The following ZNF565 variants were observed in gnomAD, a reference collection of about 807,000 sequenced individuals.
ZNF565 encodes zinc finger protein 565.
A neutral mutation model predicts 39.4 loss-of-function variants in ZNF565; 27 were observed. The observed-to-expected ratio is 0.69, with a 90% CI of 0.51 to 0.95. The LOEUF (loss-of-function observed/expected upper bound fraction) is 0.95, where lower values mean the gene tolerates loss of function less well. ZNF565 is among the 40% of genes least tolerant of loss of function. ZNF565 has a pLI of 0.00. For synonymous variants in ZNF565, 185 were observed against 216.6 expected (o/e 0.85, Z 1.28); for missense variants, 524 against 621.1 (o/e 0.84, Z 1.66).
intron 1 of ZNF565, among the ~76,000 whole-genome samples, chr19:36,242,003 AAGC>A (rs1328466483): frequency 2.0e-5 from 3 of 152,248 alleles, no homozygotes; most frequent in African/African-American, 7.2e-5. Context: ...ACCAAAGTAT[AAGC>A]AGGAACAACA....
At chr19:36,204,170 G>C (rs1220600968) in intron 1 of ZNF565, among the ~76,000 whole-genome samples, 1 of 151,922 alleles carries the variant, frequency 6.6e-6, no homozygotes, top group Non-Finnish European at 1.5e-5. Flanking sequence ...GGCTGGTCTT[G>C]AACTCCTGAG....
chr19:36,226,721 T>A lies in ZNF565; in HGVS notation c.55+18755A>T, dbSNP rs570310396. 2.1e-4 allele frequency among the ~76,000 whole-genome samples: 32 copies of A among 152,336 alleles called. No homozygotes were observed. In the South Asian group the frequency reaches 6.4e-3, roughly 31 times the overall value. On this transcript the variant is annotated intron_variant, in intron 1 of 4. Coordinates refer to the ZNF565 transcript ENST00000355114. The stretch of plus-strand genomic sequence containing the variant: ...ATCGGGAAGTTTAACATTGATACAT[T>A]AGTATTATTTAATCCAAAGTCCATA...
rs540631321 is a variant in ZNF565, at chr19:36,245,452, T to A, written c.55+24A>T. On this transcript the variant is annotated intron_variant, in intron 1 of 4. Coordinates refer to the ZNF565 transcript ENST00000355114. This position sits in a 1 kb window ranked among gnomAD's most constrained non-coding sequence, Gnocchi z 4.4. ...AAAATCCGGATCACATTTCCCGTGG[T>A]CCACCGCGCATCTAGGAGGTTACCT... is the stretch of plus-strand genomic sequence containing the variant. The A allele has an allele frequency of 7.7e-4, 542 of 702,146 alleles. 13 individuals carry two copies. In the South Asian group the frequency reaches 7.9e-3, roughly 10 times the overall value. The allele number at this position is 702,146 out of a possible 1,614,324, so 43.5% of individuals were successfully genotyped here. A position where few individuals can be genotyped will look rare whatever the true frequency, so the allele number is the denominator to read the frequency against.
intron 1 of ZNF565, among the ~76,000 whole-genome samples, chr19:36,211,724 C>T (rs1293049331): frequency 2.6e-5 from 4 of 151,282 alleles, no homozygotes; most frequent in Non-Finnish European, 4.4e-5. Flanking sequence ...ACCAGGGAGG[C>T]GGAGCTTGCA....
rs551640242 is a variant in ZNF565, at chr19:36,207,897, T to C, written c.-65-5847A>G. Reference sequence around the variant, plus strand: ...CTTCTTTGGTGTGGAACCCTGTCTCTGCTGATCCACACTGGACATGTACAT... The same window carrying C: ...CTTCTTTGGTGTGGAACCCTGTCTCCGCTGATCCACACTGGACATGTACAT... On this transcript the variant is annotated intron_variant, in intron 1 of 4. Coordinates refer to ENST00000304116, the MANE Select transcript of ZNF565 (RefSeq NM_152477.5). Among the ~76,000 whole-genome samples, 4 of 152,192 alleles carry C rather than the reference T, an allele frequency of 2.6e-5. No homozygotes were observed. The East Asian group carries it at 7.7e-4, about 29-fold the overall frequency.
upstream of ZNF565, among the ~76,000 whole-genome samples, chr19:36,215,408 G>T (rs2145380141): frequency 6.6e-6 from 1 of 152,230 alleles, no homozygotes; most frequent in Middle Eastern, 3.4e-3. Flanking sequence ...TTGAGTGAAT[G>T]TGAAACTGGG....
Position 36,183,568 on chromosome 19 carries a change from C to G in ZNF565, c.398G>C (p.Cys133Ser). ...GQFERQVNEE[C>S]YFKQVNVTYG... ...GGTGACGTTCACTTGCTTAAAATAGCACTCTTCATTGACTTGTCTCTCAAA... is the reference window on the plus strand; with the variant it reads ...GGTGACGTTCACTTGCTTAAAATAGGACTCTTCATTGACTTGTCTCTCAAA... The change falls in exon 5 of 5, where the codon TGC (cysteine) becomes TCC (serine). Residue 133 changes from cysteine to serine, a missense_variant. Coordinates refer to ENST00000304116, the MANE Select transcript of ZNF565 (RefSeq NM_152477.5). 1 of 1,614,202 alleles carries G rather than the reference C, an allele frequency of 6.2e-7. No homozygotes were observed. Among genetic ancestry groups the G allele is most frequent in the Non-Finnish European group, 8.5e-7 (1 of 1,180,048 alleles).
intron 1 of ZNF565, among the ~76,000 whole-genome samples, chr19:36,211,357 C>A (rs1303451232): frequency 2.0e-5 from 3 of 151,562 alleles, no homozygotes; most frequent in Non-Finnish European, 4.4e-5. Flanking sequence ...GCAGGAGAAT[C>A]GCTTGAATCC....
In ZNF565 at chr19:36,190,122, G is replaced by A. The variant is rs367765837; in HGVS notation, c.232+4111C>T. Among the ~76,000 whole-genome samples, 42 of 152,102 alleles carry A rather than the reference G, an allele frequency of 2.8e-4. No individual in the cohort carries two copies. In the East Asian group the frequency reaches 4.3e-3, roughly 15 times the overall value. On this transcript the variant is annotated intron_variant, in intron 4 of 4. Coordinates refer to ENST00000304116, the MANE Select transcript of ZNF565 (RefSeq NM_152477.5). ...GCTGGGATTACAGGTGTGTGCCACCGCGCCCGTCCATACATTGTTAATTTA... is the reference window on the plus strand; with the variant it reads ...GCTGGGATTACAGGTGTGTGCCACCACGCCCGTCCATACATTGTTAATTTA...
intron 1 of ZNF565, among the ~76,000 whole-genome samples, chr19:36,214,201 CCA>C (rs202178261): frequency 0.028 from 4,216 of 152,108 alleles, 164 homozygotes; most frequent in African/African-American, 0.095. Flanking sequence ...AGCGGCGTCA[CCA>C]CACAGTCACA....
rs368605324 is a variant in ZNF565 at position 36,190,449 on chromosome 19, G to A, written c.232+3784C>T. 1.3e-3 allele frequency among the ~76,000 whole-genome samples: 199 copies of A among 151,872 alleles called. 2 individuals are homozygous for A. The South Asian group carries it at 0.027, about 20-fold the overall frequency. The stretch of plus-strand genomic sequence containing the variant: ...AAATTAGCCGGGCGTGGTGGTGGGC[G>A]CCTGTAATCCCAGCTACTCGGGAGG... On this transcript the variant is annotated intron_variant, in intron 4 of 4. Coordinates refer to ENST00000304116, the MANE Select transcript of ZNF565 (RefSeq NM_152477.5).
intron 1 of ZNF565, among the ~76,000 whole-genome samples, chr19:36,239,858 T>G (rs1168297392): frequency 6.6e-6 from 1 of 152,204 alleles, no homozygotes; most frequent in African/African-American, 2.4e-5. Flanking sequence ...CATTATAATA[T>G]AAAGAATATT....
chr19:36,231,411 G>C (rs1451888252), intron 1 of ZNF565, among the ~76,000 whole-genome samples: 1 of 152,122 alleles, frequency 6.6e-6, no homozygotes, highest in African/African-American at 2.4e-5. Flanking sequence ...TTTTCACCAT[G>C]TTGGCCAGGC....
intron 1 of ZNF565, among the ~76,000 whole-genome samples, chr19:36,226,186 C>T (rs1255326340): frequency 6.6e-6 from 1 of 152,182 alleles, no homozygotes; most frequent in Non-Finnish European, 1.5e-5. Flanking sequence ...ACTGCCTAAT[C>T]GATCTCTCTG....
Position 36,194,233 on chromosome 19 carries a change from C to T in ZNF565, c.232G>A (p.Asp78Asn), listed in dbSNP as rs775064511. The T allele has an allele frequency of 6.2e-7, 1 of 1,610,326 alleles. No individual in the cohort carries two copies. Residue 78 changes from aspartate (D) to asparagine (N), a missense_variant and splice_region_variant, in exon 4 of 5, where the codon GAC (aspartate) becomes AAC (asparagine). Coordinates refer to ENST00000304116, the MANE Select transcript of ZNF565 (RefSeq NM_152477.5). ...CCTGTCGAAATCGGCCCTCGCTTACCTGGGCACCATGGTCCTGTCACATCA... is the reference window on the plus strand; with the variant it reads ...CCTGTCGAAATCGGCCCTCGCTTACTTGGGCACCATGGTCCTGTCACATCA... ...ANDVTGPWCP[D>N]LESRCEKFLQ...
chr19:36,195,132 C>A lies in ZNF565; in HGVS notation c.34G>T (p.Ala12Ser). Reference sequence around the variant, plus strand: ...CATTCTTCCAGAGAGAACTCTATGGCCACGTCCCTGAATGTCACCAGTCCC... The same window carrying A: ...CATTCTTCCAGAGAGAACTCTATGGACACGTCCCTGAATGTCACCAGTCCC... The part of the protein sequence containing the change: ...AQGLVTFRDV[A>S]IEFSLEEWKC... The change falls in exon 3 of 5, where the codon GCC (alanine) becomes TCC (serine). Residue 12 changes from alanine (A) to serine (S), a missense_variant. Coordinates refer to ENST00000304116, the MANE Select transcript of ZNF565 (RefSeq NM_152477.5). 2 of 1,614,116 alleles carry A rather than the reference C, an allele frequency of 1.2e-6. No homozygotes were observed. Among genetic ancestry groups the A allele is most frequent in the Non-Finnish European group, 8.5e-7 (1 of 1,179,952 alleles).
chr19:36,217,741 A>G (rs911365388), upstream of ZNF565, among the ~76,000 whole-genome samples: 8 of 152,176 alleles, frequency 5.3e-5, no homozygotes, highest in African/African-American at 1.9e-4. Flanking sequence ...AAAATTAGCC[A>G]GGCGTGGCGG....
At chr19:36,231,216 C>T (rs906952320) in intron 1 of ZNF565, among the ~76,000 whole-genome samples, 1 of 150,948 alleles carries the variant, frequency 6.6e-6, no homozygotes, top group African/African-American at 2.5e-5. Flanking sequence ...TACAAAAGTT[C>T]TTCTTTTTTT....
At chr19:36,236,457 A>C (rs748615907) in intron 1 of ZNF565, 36 of 1,605,030 alleles carry the variant, frequency 2.2e-5, no homozygotes, top group Non-Finnish European at 3.1e-5. Flanking sequence ...CACCTCAGCC[A>C]GCAGAGAATT....
Sources: allele counts gnomAD v4.1 joint callset (sites outside exome capture counted in the v4.1 genomes callset), GRCh38; gene constraint gnomAD v4.1.1; non-coding constraint Gnocchi (gnomAD v3.1); transcripts MANE v1.5; gene names NCBI Gene and HGNC (gene_info 2026-07-23, HGNC 2026-07-21).